GFRA1: variants seen among roughly 807,000 people sequenced by gnomAD.
GFRA1 encodes the protein GDNF family receptor alpha 1.
GFRA1 carries 16 observed loss-of-function variants against 51.6 expected under a neutral mutation model. The observed-to-expected ratio is 0.31, with a 90% CI of 0.21 to 0.47. The LOEUF (loss-of-function observed/expected upper bound fraction) is 0.47. Ranked by LOEUF, GFRA1 falls within the 20% of genes least tolerant of loss-of-function variation. The probability of loss-of-function intolerance (pLI) is 1.00; values close to 1 mark genes in which losing one functional copy is unlikely to be tolerated. For missense variants in GFRA1, 530 were observed against 594.3 expected (o/e 0.89, Z 1.13); for synonymous variants, 270 against 241.3 (o/e 1.12, Z -1.10).
chr10:116,092,598 C>T (rs1484225231), intron 8 of GFRA1, among the ~76,000 whole-genome samples: 2 of 152,092 alleles, frequency 1.3e-5, no homozygotes, highest in Non-Finnish European at 2.9e-5. Context: ...CCTATGTTCT[C>T]ATCCAACAGG....
chr10:116,175,496 T>C (rs1961497092), intron 5 of GFRA1, among the ~76,000 whole-genome samples: 2 of 152,174 alleles, frequency 1.3e-5, no homozygotes, highest in Non-Finnish European at 2.9e-5. Context: ...GCGAGATTAA[T>C]GTTAGTTGAT....
intron 5 of GFRA1, among the ~76,000 whole-genome samples, chr10:116,141,595 T>C (rs61864940): frequency 0.027 from 2,622 of 95,720 alleles, 25 homozygotes; most frequent in Non-Finnish European, 0.039. Context: ...GAGGGGGTGG[T>C]GGGCGGGGAG....
intron 4 of GFRA1, among the ~76,000 whole-genome samples, chr10:116,265,647 C>T (rs949827535): frequency 2.0e-5 from 3 of 152,206 alleles, no homozygotes; most frequent in African/African-American, 7.2e-5. Flanking sequence ...GAGCAGAGAT[C>T]TCGGCCGGGA....
At chr10:116,120,079 T>C (rs1378551609) in intron 6 of GFRA1, among the ~76,000 whole-genome samples, 2 of 152,162 alleles carry the variant, frequency 1.3e-5, no homozygotes, top group Non-Finnish European at 2.9e-5. Context: ...GGTAGAACCA[T>C]ATATGGTGAT....
chr10:116,137,254 T>C (rs1012376341), intron 5 of GFRA1, among the ~76,000 whole-genome samples: 1 of 152,104 alleles, frequency 6.6e-6, no homozygotes, highest in African/African-American at 2.4e-5. Flanking sequence ...AAGAATCAGC[T>C]GAAACAATGA....
rs1269829014 is a variant in GFRA1 at position 116,060,519 on chromosome 10, A to T, written c.*3879T>A. On this transcript the variant is annotated 3_prime_UTR_variant, in exon 11 of 11. Transcript: ENST00000355422. ...GAACATGGCCCACTGTTGCACCTTG[A>T]TTTTGCCTTATCTCGCCAACTCTCC... is the stretch of plus-strand genomic sequence containing the variant. 1 of 152,126 alleles carries T rather than the reference A, an allele frequency of 6.6e-6. No homozygotes were observed. Among genetic ancestry groups the T allele is most frequent in the Non-Finnish European group, 1.5e-5 (1 of 68,054 alleles). 9.4% of individuals were successfully genotyped at this position (152,126 alleles called of 1,614,324 possible).
chr10:116,204,638 T>A (rs535954173), intron 5 of GFRA1, among the ~76,000 whole-genome samples: 40 of 152,278 alleles, frequency 2.6e-4, no homozygotes, highest in African/African-American at 9.4e-4. Flanking sequence ...CAAAGGGGCA[T>A]AGAAGCCAGC....
At chr10:116,070,137 A>T (rs1213215792) in intron 9 of GFRA1, among the ~76,000 whole-genome samples, 2 of 152,306 alleles carry the variant, frequency 1.3e-5, no homozygotes, top group East Asian at 3.9e-4. Context: ...CTGCAGCCAA[A>T]TAGTCATAAT....
intron 5 of GFRA1, among the ~76,000 whole-genome samples, chr10:116,203,119 C>T (rs1328173124): frequency 2.6e-5 from 4 of 152,096 alleles, no homozygotes; most frequent in African/African-American, 4.8e-5. Context: ...GAAAGCCACT[C>T]GTCAATGAGT....
chr10:116,196,872 G>T (rs913305221), intron 5 of GFRA1, among the ~76,000 whole-genome samples: 15 of 128,580 alleles, frequency 1.2e-4, no homozygotes, highest in Non-Finnish European at 2.0e-4. Flanking sequence ...CACAGTTCTG[G>T]AGTCCAGAAG....
At chr10:116,132,536 C>A (rs774540817) in intron 5 of GFRA1, among the ~76,000 whole-genome samples, 27 of 152,130 alleles carry the variant, frequency 1.8e-4, no homozygotes, top group Non-Finnish European at 2.8e-4. Context: ...TGGGCAATTG[C>A]GCACGGCACA....
chr10:116,269,781 C>T (rs1843750286), intron 3 of GFRA1, among the ~76,000 whole-genome samples, 195 bp from the exon 4 acceptor site: 1 of 152,072 alleles, frequency 6.6e-6, no homozygotes. Flanking sequence ...CCTTGTTCTC[C>T]CCAGAGTGCC....
At chr10:116,217,510 G>A (rs1309180380) in intron 4 of GFRA1, among the ~76,000 whole-genome samples, 1 of 152,264 alleles carries the variant, frequency 6.6e-6, no homozygotes, top group African/African-American at 2.4e-5. Context: ...CTTGTAAAAT[G>A]AGGATAATAA....
rs971713108 is a variant in GFRA1, at chr10:116,218,525, T to C, written c.419-6880A>G. 3.3e-5 allele frequency among the ~76,000 whole-genome samples: 5 copies of C among 152,200 alleles called. No individual in the cohort carries two copies. In the East Asian group the frequency reaches 5.8e-4, roughly 18 times the overall value. ...GTGCAGGTCTGTATCTCCCGGAGCA[T>C]GGCCAGAGTCCAGAGCTCCTCCAGA... is the stretch of plus-strand genomic sequence containing the variant. On this transcript the variant is annotated intron_variant, in intron 4 of 10. Coordinates refer to ENST00000355422, the MANE Select transcript of GFRA1 (RefSeq NM_005264.8).
In GFRA1 at chr10:116,196,648, ATATATATATAGTAC is replaced by A. The variant is rs1217594350; in HGVS notation, c.433+14969_433+14982del. Among the ~76,000 whole-genome samples, 2 of 4,966 alleles carry A rather than the reference ATATATATATAGTAC, an allele frequency of 4.0e-4. 1 individual carries two copies. Among genetic ancestry groups the A allele is most frequent in the Non-Finnish European group, 9.8e-4 (2 of 2,032 alleles). 3.3% of individuals were successfully genotyped at this position (4,966 alleles called of 152,430 possible). ...TATATAATATATAGTACTATATATA[ATATATATATAGTAC>A]TATATATAATATATATAATATATAG... On this transcript the variant is annotated intron_variant, in intron 5 of 10. Transcript: ENST00000355422.
intron 6 of GFRA1, among the ~76,000 whole-genome samples, chr10:116,103,817 G>C (rs1296119984): frequency 6.6e-6 from 1 of 152,196 alleles, no homozygotes; most frequent in Non-Finnish European, 1.5e-5. Flanking sequence ...TCAGTCTGCT[G>C]TAACACACAT....
At chr10:116,156,037 A>T (rs773659073) in intron 5 of GFRA1, among the ~76,000 whole-genome samples, 1 of 152,182 alleles carries the variant, frequency 6.6e-6, no homozygotes, top group Non-Finnish European at 1.5e-5. Flanking sequence ...GAAGGAGACG[A>T]TATTTCCATT....
intron 5 of GFRA1, among the ~76,000 whole-genome samples, chr10:116,157,857 A>AT (rs1290420674): frequency 2.0e-5 from 3 of 152,182 alleles, no homozygotes; most frequent in East Asian, 1.9e-4. Flanking sequence ...CCACTGTCCA[A>AT]TTTTTTGTCC....
intron 5 of GFRA1, among the ~76,000 whole-genome samples, chr10:116,171,610 G>A (rs1053804333): frequency 2.0e-5 from 3 of 152,124 alleles, no homozygotes; most frequent in Non-Finnish European, 4.4e-5. Flanking sequence ...AAATTTCTCT[G>A]ATTAAGTAAT....
Sources: gnomAD v4.1 joint callset for allele counts (sites outside exome capture counted in the v4.1 genomes callset) on GRCh38, gnomAD v4.1.1 for gene constraint, MANE v1.5 for transcripts, NCBI Gene and HGNC (gene_info 2026-07-23, HGNC 2026-07-21) for gene names.